Variants in SRGAP3 observed in about 807,000 individuals in gnomAD.
SRGAP3 encodes the protein SLIT-ROBO Rho GTPase-activating protein 3.
SRGAP3 carries 39 observed loss-of-function variants against 121.1 expected under a neutral mutation model. The observed-to-expected ratio is 0.32, with a 90% CI of 0.25 to 0.42. SRGAP3 has a LOEUF of 0.42. SRGAP3 is among the 10% of genes least tolerant of loss of function. The probability of loss-of-function intolerance (pLI) is 1.00; values close to 1 mark genes in which losing one functional copy is unlikely to be tolerated. For missense variants in SRGAP3, 1,213 were observed against 1,470.6 expected, an observed-to-expected ratio of 0.82 and a Z score of 2.86; for synonymous variants, 601 against 570.0, an observed-to-expected ratio of 1.05 and a Z score of -0.77.
At chr3:9,169,411 G>A (rs942725473) in intron 1 of SRGAP3, among the ~76,000 whole-genome samples, 3 of 152,176 alleles carry the variant, frequency 2.0e-5, no homozygotes, top group Non-Finnish European at 2.9e-5. Flanking sequence ...CTCTTGATGG[G>A]TGAGTAGGAA....
intron 1 of SRGAP3, among the ~76,000 whole-genome samples, chr3:9,183,149 A>C (rs1282827675): frequency 2.6e-5 from 4 of 152,190 alleles, no homozygotes; most frequent in East Asian, 1.9e-4. Context: ...AGAGAGGAGG[A>C]GGCCCAGGAA....
chr3:9,202,082 G>C (rs971222087), intron 1 of SRGAP3, among the ~76,000 whole-genome samples: 2 of 148,212 alleles, frequency 1.3e-5, no homozygotes, highest in Non-Finnish European at 3.0e-5. Flanking sequence ...GGAGGCGGGG[G>C]AAGGGTTATA....
At chr3:9,237,890 C>T (rs1953473367) in intron 1 of SRGAP3, among the ~76,000 whole-genome samples, 1 of 152,186 alleles carries the variant, frequency 6.6e-6, no homozygotes, top group African/African-American at 2.4e-5. Flanking sequence ...CTGCTGGCTG[C>T]TGTGGGGAGA....
chr3:9,336,546 G>C (rs1955697214), intron 1 of SRGAP3, among the ~76,000 whole-genome samples: 2 of 152,004 alleles, frequency 1.3e-5, no homozygotes, highest in African/African-American at 4.8e-5. Context: ...AAGAAATGTT[G>C]TTGGGAGAGG....
At chr3:9,348,081 C>A (rs1955939038) in intron 1 of SRGAP3, among the ~76,000 whole-genome samples, 1 of 152,224 alleles carries the variant, frequency 6.6e-6, no homozygotes, top group African/African-American at 2.4e-5. Flanking sequence ...CATCTAGGCT[C>A]CTCATTATTC....
At chr3:9,147,702 G>A (rs1443141192) in intron 1 of SRGAP3, among the ~76,000 whole-genome samples, 3 of 152,176 alleles carry the variant, frequency 2.0e-5, no homozygotes, top group Admixed American at 6.5e-5. Flanking sequence ...GCATCCAAGC[G>A]CTTCCTTTTG....
chr3:9,266,902 G>T (rs772034691), intron 3 of SRGAP3, among the ~76,000 whole-genome samples: 1 of 152,030 alleles, frequency 6.6e-6, no homozygotes. Flanking sequence ...CATGTGAATC[G>T]CTTTGTCTAT....
At chr3:9,293,985 T>C (rs1954910444) in intron 3 of SRGAP3, among the ~76,000 whole-genome samples, 1 of 152,236 alleles carries the variant, frequency 6.6e-6, no homozygotes, top group African/African-American at 2.4e-5. Context: ...TTACCGGTTA[T>C]ATACCCAAAG....
chr3:9,236,274 C>T lies in SRGAP3; in HGVS notation c.67+12611G>A, dbSNP rs530153125. The T allele has an allele frequency of 4.0e-5, 7 of 174,298 alleles. No individual in the cohort carries two copies. The South Asian group carries it at 8.0e-4, about 20-fold the overall frequency. 10.8% of individuals were successfully genotyped at this position (174,298 alleles called of 1,614,324 possible). A position where few individuals can be genotyped will look rare whatever the true frequency, so the allele number is the denominator to read the frequency against. On this transcript the variant is annotated intron_variant, in intron 1 of 21. Transcript: ENST00000383836. Reference sequence around the variant, plus strand: ...TTCTATAAGAGTTTCTCCAGCTCTCCCTGGTAAAGTTGAAACTTCATTGTA... The same window carrying T: ...TTCTATAAGAGTTTCTCCAGCTCTCTCTGGTAAAGTTGAAACTTCATTGTA...
chr3:9,189,706 G>A (rs1273410850), intron 1 of SRGAP3, among the ~76,000 whole-genome samples: 1 of 152,194 alleles, frequency 6.6e-6, no homozygotes. Flanking sequence ...GGAAATGGGT[G>A]AGAAAATCCA....
intron 1 of SRGAP3, among the ~76,000 whole-genome samples, chr3:9,186,859 T>A (rs887648087): frequency 4.6e-5 from 7 of 152,202 alleles, no homozygotes; most frequent in African/African-American, 1.7e-4. Context: ...CAGCTTGTCA[T>A]TTCAGCAGCA....
intron 12 of SRGAP3, among the ~76,000 whole-genome samples, chr3:9,030,073 G>A (rs779355596): frequency 1.3e-5 from 2 of 152,148 alleles, no homozygotes; most frequent in African/African-American, 2.4e-5. Context: ...GATCACTTGA[G>A]CCCAAGAGGT....
In SRGAP3 at chr3:9,143,771, C is replaced by T. The variant is rs559949350; in HGVS notation, c.68-18854G>A. ...TCCCCATGAGTTACCCCCATTCCCA[C>T]GGTGAAACTCCACCACTGCCCCAGT... is the stretch of plus-strand genomic sequence containing the variant. On this transcript the variant is annotated intron_variant, in intron 1 of 21. Transcript: ENST00000383836. 7.9e-5 allele frequency among the ~76,000 whole-genome samples: 12 copies of T among 152,232 alleles called. No homozygotes were observed. The South Asian group carries it at 1.9e-3, about 24-fold the overall frequency.
chr3:9,319,937 T>C (rs1022317885), intron 3 of SRGAP3, among the ~76,000 whole-genome samples: 3 of 151,824 alleles, frequency 2.0e-5, no homozygotes, highest in African/African-American at 4.8e-5. Flanking sequence ...ACAGGGAACA[T>C]CTTTTGTTTT....
At chr3:9,204,308 G>A (rs1293209440) in intron 1 of SRGAP3, among the ~76,000 whole-genome samples, 1 of 152,256 alleles carries the variant, frequency 6.6e-6, no homozygotes, top group African/African-American at 2.4e-5. Flanking sequence ...GCCCTGGACA[G>A]AGCCTTAGCC....
At chr3:9,343,648 A>G (rs1007607647) in intron 1 of SRGAP3, among the ~76,000 whole-genome samples, 4 of 152,296 alleles carry the variant, frequency 2.6e-5, no homozygotes, top group Admixed American at 2.6e-4. Flanking sequence ...TAAAAAGATT[A>G]TATTATGCAT....
chr3:9,341,820 G>C (rs1208627271), intron 1 of SRGAP3, among the ~76,000 whole-genome samples: 1 of 152,144 alleles, frequency 6.6e-6, no homozygotes, highest in African/African-American at 2.4e-5. Context: ...TTTCTAGACT[G>C]ACTAGGCTTT....
Position 8,985,312 on chromosome 3 carries a change from G to C in SRGAP3, c.*207C>G. On this transcript the variant is annotated 3_prime_UTR_variant, in exon 22 of 22. Coordinates refer to ENST00000383836, the MANE Select transcript of SRGAP3 (RefSeq NM_014850.4). The surrounding 1 kb of genome is among the most constrained non-coding windows in gnomAD (Gnocchi z 5.1). Reference sequence around the variant, plus strand: ...AGCTCCAGCACTCCTCTGGTCGTCTGTTGACACGCGAGAGGTCCGTGGGAT... The same window carrying C: ...AGCTCCAGCACTCCTCTGGTCGTCTCTTGACACGCGAGAGGTCCGTGGGAT... 2.6e-6 allele frequency: 3 copies of C among 1,152,754 alleles called. No individual in the cohort carries two copies. Among genetic ancestry groups the C allele is most frequent in the Non-Finnish European group, 3.5e-6 (3 of 855,790 alleles). 71.4% of individuals were successfully genotyped at this position (1,152,754 alleles called of 1,614,324 possible).
chr3:9,268,168 G>A (rs1431380192), intron 3 of SRGAP3, among the ~76,000 whole-genome samples: 1 of 152,152 alleles, frequency 6.6e-6, no homozygotes, highest in African/African-American at 2.4e-5. Flanking sequence ...ACATGTTGAA[G>A]CCATAACCCC....
Sources: allele counts gnomAD v4.1 joint callset (sites outside exome capture counted in the v4.1 genomes callset), GRCh38; gene constraint gnomAD v4.1.1; non-coding constraint Gnocchi (gnomAD v3.1); transcripts MANE v1.5; gene names NCBI Gene and HGNC (gene_info 2026-07-23, HGNC 2026-07-21).